The following SIM1 variants were observed in gnomAD, a reference collection of about 807,000 sequenced individuals.
SIM1 encodes the protein single-minded homolog 1.
In SIM1, 18 loss-of-function variants were observed where a neutral mutation model predicts 78.2. The ratio of observed to expected loss-of-function variants is 0.23; its 90% CI spans 0.16 to 0.34. The LOEUF (loss-of-function observed/expected upper bound fraction) is 0.34, where lower values mean the gene tolerates loss of function less well. SIM1 is among the 10% of genes least tolerant of loss of function. SIM1 has a pLI of 1.00. For synonymous variants in SIM1, 417 were observed against 385.2 expected, an observed-to-expected ratio of 1.08 and a Z score of -0.97; for missense variants, 939 against 975.1, an observed-to-expected ratio of 0.96 and a Z score of 0.49.
At chr6:100,405,926 G>C (rs941368130) in intron 10 of SIM1, among the ~76,000 whole-genome samples, 2 of 152,178 alleles carry the variant, frequency 1.3e-5, no homozygotes, top group Non-Finnish European at 2.9e-5. Context: ...TCCATATGGA[G>C]AGAGTCGTTC....
intron 2 of SIM1, among the ~76,000 whole-genome samples, chr6:100,458,020 C>CTCTCTT (rs1562064268): frequency 9.8e-5 from 2 of 20,466 alleles, no homozygotes; most frequent in African/African-American, 2.8e-4. Flanking sequence ...CTCTCTCTCT[C>CTCTCTT]TCTCTCTCTC....
intron 3 of SIM1, 120 bp downstream of exon 3, chr6:100,453,642 T>TG (rs1335067770): frequency 1.3e-6 from 1 of 743,520 alleles, no homozygotes; most frequent in Non-Finnish European, 2.1e-6. Context: ...TCCCTGTTTT[T>TG]GTGGGGGGGG....
At chr6:100,462,471 C>T (rs777555068) in intron 2 of SIM1, 1 of 152,294 alleles carries the variant, frequency 6.6e-6, no homozygotes, top group African/African-American at 2.4e-5. Context: ...CTGCTCTGTC[C>T]TCACACAGTG....
chr6:100,437,174 A>G (rs1438794649), intron 9 of SIM1: 2 of 152,244 alleles, frequency 1.3e-5, no homozygotes. Context: ...CTAATATGCC[A>G]TGTCACAGGA....
At chr6:100,424,630 G>A (rs1328416445) in intron 9 of SIM1, among the ~76,000 whole-genome samples, 3 of 151,266 alleles carry the variant, frequency 2.0e-5, no homozygotes, top group African/African-American at 7.3e-5. Flanking sequence ...TGGTAGACAC[G>A]AGATCTCTCT....
chr6:100,455,987 A>G (rs1378971544), intron 2 of SIM1, among the ~76,000 whole-genome samples: 1 of 152,108 alleles, frequency 6.6e-6, no homozygotes, highest in Non-Finnish European at 1.5e-5. Flanking sequence ...ACTTCCCCAC[A>G]GGTTAATAAA....
At chr6:100,401,129 T>G (rs1264043800) in intron 10 of SIM1, among the ~76,000 whole-genome samples, 1 of 152,114 alleles carries the variant, frequency 6.6e-6, no homozygotes, top group Admixed American at 6.6e-5. Flanking sequence ...TAATGAAGTA[T>G]TCCAGTGGAT....
intron 9 of SIM1, among the ~76,000 whole-genome samples, chr6:100,426,138 T>A (rs1278242185): frequency 6.6e-6 from 1 of 152,324 alleles, no homozygotes; most frequent in South Asian, 2.1e-4. Flanking sequence ...CTCCCTTCAA[T>A]GATTTGTAGA....
At position 100,412,553 on chromosome 6, in the gene SIM1, AG is replaced by A. The variant is rs1186099403; in HGVS notation, c.1167+8236del. Among the ~76,000 whole-genome samples the A allele has an allele frequency of 7.9e-3, 596 of 75,418 alleles. 25 individuals carry two copies. The highest frequency in any genetic ancestry group is 0.028 in the African/African-American group (575 of 20,330). 49.5% of individuals were successfully genotyped at this position (75,418 alleles called of 152,430 possible). On this transcript the variant is annotated intron_variant, in intron 10 of 11. Coordinates refer to ENST00000369208, the MANE Select transcript of SIM1 (RefSeq NM_005068.3). ...CTCTGTCTAAGAAAGAAAGAAAGAA[AG>A]AAAAGAAAGAAAGAAAGAAAGAAAG...
rs1770489144 is a variant in SIM1, at chr6:100,385,122, A to C, written c.*5239T>G. The C allele has an allele frequency of 1.3e-5, 2 of 152,072 alleles. No individual in the cohort carries two copies. The highest frequency in any genetic ancestry group is 4.8e-5 in the African/African-American group (2 of 41,444). 9.4% of individuals were successfully genotyped at this position (152,072 alleles called of 1,614,324 possible). A position where few individuals can be genotyped will look rare whatever the true frequency, so the allele number is the denominator to read the frequency against. On this transcript the variant is annotated 3_prime_UTR_variant, in exon 12 of 12. Transcript: ENST00000369208. ...CAGAAAGCTATTTACAATATAAATA[A>C]TTATAAATGGGAACACTTTGCAAGA...
chr6:100,445,058 G>A (rs1388309864), intron 9 of SIM1, among the ~76,000 whole-genome samples: 1 of 152,134 alleles, frequency 6.6e-6, no homozygotes, highest in South Asian at 2.1e-4. Context: ...ACAAATGTAT[G>A]TGGTAGTTCA....
At chr6:100,410,373 A>G (rs1771162656) in intron 10 of SIM1, among the ~76,000 whole-genome samples, 1 of 152,180 alleles carries the variant, frequency 6.6e-6, no homozygotes, top group South Asian at 2.1e-4. Flanking sequence ...GAGGCTTCCC[A>G]TTTGATTTAG....
intron 10 of SIM1, among the ~76,000 whole-genome samples, chr6:100,417,668 C>A (rs1037870397): frequency 6.6e-6 from 1 of 152,160 alleles, no homozygotes; most frequent in Non-Finnish European, 1.5e-5. Flanking sequence ...TTGCCCTGGA[C>A]AACATGCTTT....
chr6:100,449,755 C>A, intron 4 of SIM1, 56 bp from the exon 5 acceptor site: 1 of 1,441,904 alleles, frequency 6.9e-7, no homozygotes, highest in Non-Finnish European at 9.7e-7. Flanking sequence ...GGTGAAGGGA[C>A]TGAAAGATTA....
At chr6:100,419,672 C>T (rs987055603) in intron 10 of SIM1, among the ~76,000 whole-genome samples, 1 of 152,132 alleles carries the variant, frequency 6.6e-6, no homozygotes, top group African/African-American at 2.4e-5. Flanking sequence ...GAGATAGAGT[C>T]TCACTGTCGC....
At chr6:100,431,682 T>G (rs1282326168) in intron 9 of SIM1, among the ~76,000 whole-genome samples, 1 of 152,188 alleles carries the variant, frequency 6.6e-6, no homozygotes, top group Non-Finnish European at 1.5e-5. Context: ...ACAGAATACG[T>G]AGTTAACAAC....
chr6:100,398,388 T>G (rs1182240301), intron 10 of SIM1, among the ~76,000 whole-genome samples: 1 of 152,112 alleles, frequency 6.6e-6, no homozygotes, highest in Non-Finnish European at 1.5e-5. Context: ...GAACTCTTCA[T>G]TTTACAAAAC....
chr6:100,450,651 AAC>A lies in SIM1; in HGVS notation c.259-297_259-296del, dbSNP rs924775654. On this transcript the variant is annotated intron_variant, in intron 3 of 11. Coordinates refer to ENST00000369208, the MANE Select transcript of SIM1 (RefSeq NM_005068.3). ...ACAAACAAGGAAAATACATCCATAA[AAC>A]ACACACACACTGTCTCTCTCTCTCT... 3.7e-5 allele frequency among the ~76,000 whole-genome samples: 5 copies of A among 134,262 alleles called. No homozygotes were observed. The Admixed American group carries it at 3.8e-4, about 10-fold the overall frequency. The allele number at this position is 134,262 out of a possible 152,430, so 88.1% of individuals were successfully genotyped here. A position where few individuals can be genotyped will look rare whatever the true frequency, so the allele number is the denominator to read the frequency against.
At chr6:100,420,718 A>T in intron 10 of SIM1, 72 bp downstream of exon 10, 1 of 1,411,754 alleles carries the variant, frequency 7.1e-7, no homozygotes, top group Non-Finnish European at 1.0e-6. Flanking sequence ...AAATAGTTTT[A>T]ATACTTTCTC....
Sources: gnomAD v4.1 joint callset for allele counts (sites outside exome capture counted in the v4.1 genomes callset) on GRCh38, gnomAD v4.1.1 for gene constraint, MANE v1.5 for transcripts, NCBI Gene and HGNC (gene_info 2026-07-23, HGNC 2026-07-21) for gene names.